IARS1: variants seen among roughly 807,000 people sequenced by gnomAD.
IARS1 encodes isoleucine--tRNA ligase, cytoplasmic.
A neutral mutation model predicts 168.2 loss-of-function variants in IARS1; 124 were observed. The ratio of observed to expected loss-of-function variants is 0.74; its 90% CI spans 0.64 to 0.86. IARS1 has a LOEUF of 0.86. Ranked by LOEUF, IARS1 falls within the 40% of genes least tolerant of loss-of-function variation. The pLI, the probability that IARS1 is intolerant of heterozygous loss-of-function variation, is 0.00. For missense variants in IARS1, 1,452 were observed against 1,515.8 expected, an observed-to-expected ratio of 0.96 and a Z score of 0.70; for synonymous variants, 532 against 529.4, an observed-to-expected ratio of 1.00 and a Z score of -0.07.
Position 92,222,648 on chromosome 9 carries a change from G to A in IARS1, c.3578C>T (p.Thr1193Ile), listed in dbSNP as rs552419753. The change falls in exon 33 of 34, where the codon ACT (threonine) becomes ATT (isoleucine). Residue 1193 changes from threonine to isoleucine, a missense_variant. By Grantham distance (89) the Thr-to-Ile change is moderately conservative. Transcript: ENST00000443024. ...CCCAAGTGGGTTTTCAAGCAGGAGA[G>A]TGCCCACTGTCCCCATTAAACACTC... ...PQECLMGTVG[T>I]LLLENPLGQN... is the part of the protein sequence containing the mutation. 186 of 1,613,948 alleles carry A rather than the reference G, an allele frequency of 1.2e-4. No individual in the cohort carries two copies. Among genetic ancestry groups the A allele is most frequent in the Non-Finnish European group, 1.5e-4 (181 of 1,180,012 alleles).
At chr9:92,270,031 G>C (rs373993203) in intron 12 of IARS1, 48 bp from the exon 13 acceptor site, 67 of 1,177,324 alleles carry the variant, frequency 5.7e-5, no homozygotes, top group Non-Finnish European at 7.5e-5. Flanking sequence ...GAGACTAGTA[G>C]GCACTACGGT....
At chr9:92,283,851 T>C (rs1334503590) in intron 6 of IARS1, among the ~76,000 whole-genome samples, 7 of 152,162 alleles carry the variant, frequency 4.6e-5, no homozygotes, top group East Asian at 3.8e-4. Flanking sequence ...CTGATGATGT[T>C]CAGGAATTAC....
At position 92,274,505 on chromosome 9, in the gene IARS1, G is replaced by A. The variant is rs761948246; in HGVS notation, c.911C>T (p.Ala304Val). The A allele has an allele frequency of 9.9e-6, 16 of 1,613,522 alleles. No individual in the cohort carries two copies. Among genetic ancestry groups the A allele is most frequent in the East Asian group, 2.2e-5 (1 of 44,884 alleles). Residue 304 changes from alanine (A) to valine (V), a missense_variant, in exon 10 of 34, where the codon GCT becomes GTT. By Grantham distance (64) the Ala-to-Val change is moderately conservative (BLOSUM62 0). Transcript: ENST00000443024. ...ATAGTTGTCAACAAGCACAGTGAAAGCGCCATTCTCTTTACACTGGAAAGA... is the reference window on the plus strand; with the variant it reads ...ATAGTTGTCAACAAGCACAGTGAAAACGCCATTCTCTTTACACTGGAAAGA... Reference protein sequence around the residue: ...DYFLKCKENGAFTVLVDNYVK... With the variant: ...DYFLKCKENGVFTVLVDNYVK...
At chr9:92,274,914 C>CT (rs1290641238) in intron 9 of IARS1, among the ~76,000 whole-genome samples, 2 of 152,202 alleles carry the variant, frequency 1.3e-5, no homozygotes, top group Admixed American at 6.5e-5. Context: ...TTTTGCTTCT[C>CT]TTTCTCCTTT....
chr9:92,244,345 T>C (rs1315042216), intron 27 of IARS1, among the ~76,000 whole-genome samples: 2 of 152,090 alleles, frequency 1.3e-5, no homozygotes, highest in African/African-American at 2.4e-5. Flanking sequence ...CGACCTTCCT[T>C]TCATGGAGGT....
At position 92,280,839 on chromosome 9, in the gene IARS1, C is replaced by G; in HGVS notation, c.652G>C (p.Val218Leu). 6 of 1,610,010 alleles carry G rather than the reference C, an allele frequency of 3.7e-6. No individual in the cohort carries two copies. The highest frequency in any genetic ancestry group is 5.1e-6 in the Non-Finnish European group (6 of 1,176,546). The stretch of plus-strand genomic sequence containing the variant: ...GTGGTTGTCCAAGCAACTAAAGATA[C>G]AGTTTCATCTTCTTCCAAAGGGAAA... ...VTFPLEEDET[V>L]SLVAWTTTPW... Residue 218 changes from valine to leucine, a missense_variant, in exon 7 of 34, where the codon GTA becomes CTA. Coordinates refer to ENST00000443024, the MANE Select transcript of IARS1 (RefSeq NM_002161.6).
At chr9:92,245,838 C>A (rs1195422099) in intron 26 of IARS1, among the ~76,000 whole-genome samples, 1 of 151,628 alleles carries the variant, frequency 6.6e-6, no homozygotes, top group Non-Finnish European at 1.5e-5. Flanking sequence ...AGGATCTCGG[C>A]TCACTGCAAG....
intron 1 of IARS1, among the ~76,000 whole-genome samples, chr9:92,291,201 ACGAGCTTT>A (rs1242205192): frequency 6.6e-6 from 1 of 152,114 alleles, no homozygotes; most frequent in Non-Finnish European, 1.5e-5. Context: ...AAGGTGGGTG[ACGAGCTTT>A]CCAAGTCAGT....
At chr9:92,266,168 A>C (rs1315626138) in intron 14 of IARS1, among the ~76,000 whole-genome samples, 1 of 152,210 alleles carries the variant, frequency 6.6e-6, no homozygotes, top group Admixed American at 6.5e-5. Flanking sequence ...AATGGATATT[A>C]AGGGTTTATT....
chr9:92,230,221 C>T (rs1424072288), intron 30 of IARS1, among the ~76,000 whole-genome samples: 1 of 152,056 alleles, frequency 6.6e-6, no homozygotes, highest in Non-Finnish European at 1.5e-5. Context: ...AGAGATTCTC[C>T]TGTTTCAACC....
chr9:92,226,306 T>A (rs1825663744), intron 31 of IARS1, among the ~76,000 whole-genome samples: 1 of 152,200 alleles, frequency 6.6e-6, no homozygotes, highest in South Asian at 2.1e-4. Flanking sequence ...TTATGCAATA[T>A]CCCTGACAAC....
chr9:92,272,925 G>C (rs555892561), intron 10 of IARS1, among the ~76,000 whole-genome samples: 1 of 147,978 alleles, frequency 6.8e-6, no homozygotes, highest in East Asian at 2.0e-4. Flanking sequence ...TTTAAAGAAT[G>C]AATCTTCTAT....
At chr9:92,291,312 T>C (rs1185039189) in intron 1 of IARS1, among the ~76,000 whole-genome samples, 1 of 152,138 alleles carries the variant, frequency 6.6e-6, no homozygotes, top group African/African-American at 2.4e-5. Flanking sequence ...ACCAGGGTAA[T>C]CAACTCTACA....
chr9:92,226,907 C>G (rs1478977506), intron 31 of IARS1, among the ~76,000 whole-genome samples: 1 of 140,396 alleles, frequency 7.1e-6, no homozygotes, highest in African/African-American at 2.7e-5. Context: ...AGCAGATAAA[C>G]AAGTGAACAA....
Position 92,244,177 on chromosome 9 carries a change from T to C in IARS1, c.2904+782A>G, listed in dbSNP as rs1471404142. On this transcript the variant is annotated intron_variant, in intron 27 of 33. Transcript: ENST00000443024. ...TGGACAACTTTTCAGGCCCCTAACA[T>C]CTGCTGTAATGAGGAAGAACTGCCC... Among the ~76,000 whole-genome samples, 7 of 152,300 alleles carry C rather than the reference T, an allele frequency of 4.6e-5. No homozygotes were observed. The East Asian group carries it at 1.4e-3, about 29-fold the overall frequency.
chr9:92,248,652 CAA>C (rs886459066), intron 25 of IARS1, among the ~76,000 whole-genome samples: 5 of 46,742 alleles, frequency 1.1e-4, no homozygotes, highest in Non-Finnish European at 1.3e-4. Flanking sequence ...GACCCTGTCA[CAA>C]AAAAAAAAAA....
In IARS1 at chr9:92,250,836, T is replaced by G. The variant is rs1009740554; in HGVS notation, c.2308-2A>C. 1.9e-6 allele frequency: 3 copies of G among 1,600,580 alleles called. No individual in the cohort carries two copies. Among genetic ancestry groups the G allele is most frequent in the Non-Finnish European group, 2.6e-6 (3 of 1,174,362 alleles). On this transcript the variant is annotated splice_acceptor_variant, in intron 22 of 33. Transcript: ENST00000443024. LOFTEE classifies it high-confidence loss of function. ...AGTGAGAAAAGGTGTGTAGGGAGCC[T>G]GTATGAAGACACAGGACATCATGTC...
At chr9:92,269,432 T>G (rs530621620) in intron 13 of IARS1, among the ~76,000 whole-genome samples, 1 of 152,242 alleles carries the variant, frequency 6.6e-6, no homozygotes, top group Non-Finnish European at 1.5e-5. Flanking sequence ...AGCAAAGGCT[T>G]CTGTGCTTGG....
chr9:92,265,143 T>G lies in IARS1; in HGVS notation c.1506-20A>C. On this transcript the variant is annotated intron_variant, in intron 15 of 33. Coordinates refer to ENST00000443024, the MANE Select transcript of IARS1 (RefSeq NM_002161.6). ...TCAACACTAACAAACAGAAAAGTAG[T>G]CATTTCTATTAACTGTAAGCATAAC... The G allele has an allele frequency of 6.3e-7, 1 of 1,593,696 alleles. No homozygotes were observed. The highest frequency in any genetic ancestry group is 8.6e-7 in the Non-Finnish European group (1 of 1,167,916).
Sources: gnomAD v4.1 joint callset for allele counts (sites outside exome capture counted in the v4.1 genomes callset) on GRCh38, gnomAD v4.1.1 for gene constraint, MANE v1.5 for transcripts, NCBI Gene and HGNC (gene_info 2026-07-23, HGNC 2026-07-21) for gene names.